Variants in MBOAT1 observed in about 807,000 individuals in gnomAD.
The protein encoded by MBOAT1 is membrane bound glycerophospholipid O-acyltransferase 1.
MBOAT1 carries 67 observed loss-of-function variants against 64.4 expected under a neutral mutation model. The observed-to-expected ratio is 1.04, with a 90% CI of 0.85 to 1.27. The LOEUF (loss-of-function observed/expected upper bound fraction) is 1.27. MBOAT1 is among the 50% of genes most tolerant of loss of function. The pLI is 0.00. For synonymous variants in MBOAT1, 229 were observed against 218.9 expected, an observed-to-expected ratio of 1.05 and a Z score of -0.41; for missense variants, 563 against 604.6, an observed-to-expected ratio of 0.93 and a Z score of 0.72.
At chr6:20,149,203 T>C (rs1761419955) in intron 3 of MBOAT1, among the ~76,000 whole-genome samples, 1 of 151,996 alleles carries the variant, frequency 6.6e-6, no homozygotes, top group African/African-American at 2.4e-5. Context: ...AGTAATACTG[T>C]GGTGGCACCG....
chr6:20,168,872 A>G (rs1180794430), intron 1 of MBOAT1, among the ~76,000 whole-genome samples: 1 of 151,352 alleles, frequency 6.6e-6, no homozygotes, highest in East Asian at 1.9e-4. Context: ...GTTTCATATC[A>G]CTAAGGAGGC....
At chr6:20,114,471 T>TTAC (rs745741533) in intron 10 of MBOAT1, among the ~76,000 whole-genome samples, 1 of 152,162 alleles carries the variant, frequency 6.6e-6, no homozygotes, top group Non-Finnish European at 1.5e-5. Flanking sequence ...CATAAAGCAT[T>TTAC]TACTGCTAGG....
intron 7 of MBOAT1, among the ~76,000 whole-genome samples, chr6:20,125,589 G>A (rs1378784222): frequency 2.6e-5 from 4 of 152,234 alleles, no homozygotes; most frequent in African/African-American, 9.6e-5. Context: ...CGAGAAGCGT[G>A]AAAACACTAA....
rs564016812 is a variant in MBOAT1 at position 20,109,621 on chromosome 6, A to C, written c.1338T>G (p.Val446=). 1 of 1,613,668 alleles carries C rather than the reference A, an allele frequency of 6.2e-7. No individual in the cohort carries two copies. The highest frequency in any genetic ancestry group is 1.3e-5 in the African/African-American group (1 of 75,050). The change falls in exon 12 of 13, where the codon GTT becomes GTG. Residue 446 remains valine, a synonymous_variant. Transcript: ENST00000324607. ...YTVAPFVMLA[V]EPTISLYKSM... ...ACTTGTATAAGCTGATGGTCGGTTC[A>C]ACTGCCAACATCACAAAGGGTGCTA...
At chr6:20,150,741 G>GTTT (rs202226295) in intron 3 of MBOAT1, among the ~76,000 whole-genome samples, 2 of 140,886 alleles carry the variant, frequency 1.4e-5, no homozygotes, top group East Asian at 2.0e-4. Context: ...TTTTTTTTGG[G>GTTT]TTTTTTTTTT....
intron 5 of MBOAT1, among the ~76,000 whole-genome samples, chr6:20,130,795 G>A (rs549047738): frequency 1.3e-5 from 2 of 152,124 alleles, no homozygotes; most frequent in South Asian, 4.1e-4. Context: ...GCTTCTCAGA[G>A]ATTAAACCAA....
chr6:20,155,463 A>T (rs1216217681), intron 1 of MBOAT1, among the ~76,000 whole-genome samples: 1 of 152,234 alleles, frequency 6.6e-6, no homozygotes, highest in African/African-American at 2.4e-5. Flanking sequence ...CAAATCAAGA[A>T]GAGAAGACTT....
intron 11 of MBOAT1, 133 bp downstream of exon 11, chr6:20,112,743 T>C (rs1760203809): frequency 3.2e-6 from 3 of 937,036 alleles, no homozygotes; most frequent in South Asian, 3.4e-5. Flanking sequence ...GACTCTTGCA[T>C]ATTGTTTGAT....
intron 8 of MBOAT1, among the ~76,000 whole-genome samples, chr6:20,122,827 G>GA (rs71538774): frequency 6.6e-6 from 1 of 150,852 alleles, no homozygotes; most frequent in Admixed American, 6.6e-5. Context: ...TTGCCACAAT[G>GA]AAAAAAAAAT....
At chr6:20,165,060 T>C (rs1761976276) in intron 1 of MBOAT1, among the ~76,000 whole-genome samples, 1 of 152,236 alleles carries the variant, frequency 6.6e-6, no homozygotes, top group African/African-American at 2.4e-5. Context: ...TTTTCTGATA[T>C]TTTCAACTTA....
In MBOAT1 at chr6:20,101,919, T is replaced by C. The variant is rs1759801235; in HGVS notation, c.*367A>G. 6.6e-6 allele frequency among the ~76,000 whole-genome samples: 1 copy of C among 151,304 alleles called. No homozygotes were observed. Among genetic ancestry groups the C allele is most frequent in the African/African-American group, 2.4e-5 (1 of 41,190 alleles). On this transcript the variant is annotated 3_prime_UTR_variant, in exon 13 of 13. Transcript: ENST00000324607. ...TCACGAGGTCAGGAGATCGAGACCA[T>C]CCCGGCTAAAACGGTGAAACCCCGT...
rs1759745599 is a variant in MBOAT1 at position 20,099,941 on chromosome 6, C to T, written c.*2345G>A. 6.6e-6 allele frequency among the ~76,000 whole-genome samples: 1 copy of T among 152,126 alleles called. No homozygotes were observed. The highest frequency in any genetic ancestry group is 2.1e-4 in the South Asian group (1 of 4,830). On this transcript the variant is annotated 3_prime_UTR_variant, in exon 13 of 13. Coordinates refer to ENST00000324607, the MANE Select transcript of MBOAT1 (RefSeq NM_001080480.3). ...TTGTTCTTTTTATACAGAATAAAGCCTCATGTTTGTGTCCCAGGGCCTAAC... is the reference window on the plus strand; with the variant it reads ...TTGTTCTTTTTATACAGAATAAAGCTTCATGTTTGTGTCCCAGGGCCTAAC...
chr6:20,172,150 A>G (rs1464757057), intron 1 of MBOAT1, among the ~76,000 whole-genome samples: 3 of 152,130 alleles, frequency 2.0e-5, no homozygotes, highest in Non-Finnish European at 4.4e-5. Context: ...ATTGATTCCT[A>G]GGGTCCAGGT....
chr6:20,135,634 C>T (rs549251536), intron 4 of MBOAT1, among the ~76,000 whole-genome samples: 3 of 152,214 alleles, frequency 2.0e-5, no homozygotes, highest in East Asian at 1.9e-4. Context: ...TTATTGGTGT[C>T]GGAAGAGCCA....
At chr6:20,120,222 C>G (rs1377031078) in intron 8 of MBOAT1, among the ~76,000 whole-genome samples, 1 of 152,022 alleles carries the variant, frequency 6.6e-6, no homozygotes, top group African/African-American at 2.4e-5. Context: ...AAACCTGCTC[C>G]CTTGAGCATA....
At chr6:20,123,777 C>T (rs889126092) in intron 8 of MBOAT1, among the ~76,000 whole-genome samples, 1 of 152,152 alleles carries the variant, frequency 6.6e-6, no homozygotes, top group Non-Finnish European at 1.5e-5. Context: ...CAGATCAAGG[C>T]TGGGCGTGGT....
intron 1 of MBOAT1, among the ~76,000 whole-genome samples, chr6:20,189,296 C>T (rs940043969): frequency 3.3e-5 from 5 of 152,208 alleles, no homozygotes; most frequent in African/African-American, 9.7e-5. Context: ...TTGAAATACA[C>T]ATAGATTGTG....
At chr6:20,127,090 A>G (rs1481478160) in intron 6 of MBOAT1, among the ~76,000 whole-genome samples, 2 of 152,166 alleles carry the variant, frequency 1.3e-5, no homozygotes, top group African/African-American at 4.8e-5. Context: ...GATGCTTCCA[A>G]ATGGGAAAAC....
At chr6:20,139,009 T>C (rs935716724) in intron 4 of MBOAT1, among the ~76,000 whole-genome samples, 4 of 152,194 alleles carry the variant, frequency 2.6e-5, no homozygotes, top group Non-Finnish European at 5.9e-5. Context: ...CATGGCCGTC[T>C]TCCCTGTATG....
Sources: allele counts gnomAD v4.1 joint callset (sites outside exome capture counted in the v4.1 genomes callset), GRCh38; gene constraint gnomAD v4.1.1; transcripts MANE v1.5; gene names NCBI Gene and HGNC (gene_info 2026-07-23, HGNC 2026-07-21).